CDH13: variants seen among roughly 807,000 people sequenced by gnomAD.
The protein encoded by CDH13 is cadherin 13.
Under a neutral mutation model 63.8 loss-of-function variants are expected in CDH13, and 24 were observed. The observed-to-expected ratio is 0.38, with a 90% CI of 0.27 to 0.53. The LOEUF is 0.53. Among genes scored for constraint, CDH13 ranks in the 20% least tolerant of loss-of-function variants. CDH13 has a pLI of 0.85. For synonymous variants in CDH13, 503 were observed against 355.3 expected (o/e 1.42, Z -4.67); for missense variants, 1,049 against 903.1 (o/e 1.16, Z -2.07).
intron 8 of CDH13, among the ~76,000 whole-genome samples, chr16:83,628,221 C>G (rs1411744648): frequency 6.6e-6 from 1 of 152,184 alleles, no homozygotes; most frequent in Non-Finnish European, 1.5e-5. Context: ...AGCCCCTGTT[C>G]AAGATGGTGT....
intron 7 of CDH13, among the ~76,000 whole-genome samples, chr16:83,514,363 G>C (rs770429811): frequency 3.2e-4 from 49 of 152,170 alleles, no homozygotes; most frequent in Non-Finnish European, 1.2e-4. Flanking sequence ...GAAGAGGAGG[G>C]CCGGGTTCGG....
chr16:83,513,116 G>A (rs896505171), intron 7 of CDH13, among the ~76,000 whole-genome samples: 18 of 152,002 alleles, frequency 1.2e-4, no homozygotes, highest in African/African-American at 3.4e-4. Context: ...AATTGTCTTC[G>A]AGCCTATAAT....
intron 6 of CDH13, among the ~76,000 whole-genome samples, chr16:83,486,075 G>A (rs542699596): frequency 6.6e-5 from 10 of 151,998 alleles, no homozygotes; most frequent in South Asian, 2.1e-4. Context: ...CCTGGGAGGC[G>A]GAGGTTGCAG....
In CDH13 at chr16:82,890,468, G is replaced by A. The variant is rs541250641; in HGVS notation, c.157+31995G>A. Among the ~76,000 whole-genome samples, 160 of 152,122 alleles carry A rather than the reference G, an allele frequency of 1.1e-3. 1 individual carries two copies. Among genetic ancestry groups the A allele is most frequent in the African/African-American group, 3.7e-3 (154 of 41,510 alleles). On this transcript the variant is annotated intron_variant, in intron 2 of 13. Transcript: ENST00000567109. ...GCTAGAGTCGGAATAAATAATTGAG[G>A]CAGGCTTCTCCAGAATCTCATTGGT...
intron 7 of CDH13, among the ~76,000 whole-genome samples, chr16:83,507,047 A>C (rs1208503201): frequency 6.6e-6 from 1 of 152,206 alleles, no homozygotes; most frequent in Non-Finnish European, 1.5e-5. Context: ...GCATTAGATA[A>C]CTAATACACA....
intron 7 of CDH13, among the ~76,000 whole-genome samples, chr16:83,573,772 G>A (rs1904859237): frequency 6.6e-6 from 1 of 152,136 alleles, no homozygotes; most frequent in Non-Finnish European, 1.5e-5. Context: ...AAAAGGCCAG[G>A]CTTGCTTAAC....
At chr16:83,119,644 T>C (rs1402310711) in intron 3 of CDH13, among the ~76,000 whole-genome samples, 1 of 152,236 alleles carries the variant, frequency 6.6e-6, no homozygotes, top group Non-Finnish European at 1.5e-5. Context: ...TCTGAGTTTC[T>C]GGCCACGGAT....
intron 1 of CDH13, among the ~76,000 whole-genome samples, chr16:82,776,233 G>C (rs555192731): frequency 1.6e-3 from 233 of 145,410 alleles, no homozygotes; most frequent in Non-Finnish European, 3.0e-3. Context: ...GATGAAGGAA[G>C]GAAGGAAGGG....
chr16:83,214,723 C>T (rs1006960069), intron 4 of CDH13, among the ~76,000 whole-genome samples: 1 of 151,804 alleles, frequency 6.6e-6, no homozygotes, highest in Non-Finnish European at 1.5e-5. Context: ...TGAGCTCCTT[C>T]TGTGTGGCAG....
At chr16:83,588,402 C>T (rs183650466) in intron 7 of CDH13, among the ~76,000 whole-genome samples, 1 of 152,192 alleles carries the variant, frequency 6.6e-6, no homozygotes, top group African/African-American at 2.4e-5. Context: ...TGAACATTTA[C>T]TGAGAGTGAC....
intron 4 of CDH13, among the ~76,000 whole-genome samples, chr16:83,153,417 C>T (rs895619867): frequency 2.0e-5 from 3 of 152,132 alleles, no homozygotes; most frequent in Non-Finnish European, 4.4e-5. Context: ...ATCTTACAGC[C>T]TCCAGCTGCA....
chr16:83,322,835 A>G (rs1478777485), intron 5 of CDH13, among the ~76,000 whole-genome samples: 4 of 152,194 alleles, frequency 2.6e-5, no homozygotes, highest in Non-Finnish European at 5.9e-5. Flanking sequence ...GGTGTTCACA[A>G]CAATGATTCC....
chr16:82,740,789 A>G (rs75222228), intron 1 of CDH13, among the ~76,000 whole-genome samples: 2 of 152,224 alleles, frequency 1.3e-5, no homozygotes, highest in Non-Finnish European at 2.9e-5. Context: ...TGGGCAAAGC[A>G]AGTCCAATAT....
chr16:83,573,321 C>G (rs901404594), intron 7 of CDH13, among the ~76,000 whole-genome samples: 1 of 152,068 alleles, frequency 6.6e-6, no homozygotes, highest in African/African-American at 2.4e-5. Context: ...GTGGGTGTGG[C>G]TCAGTTCTGC....
chr16:83,297,651 G>T (rs2151872199), intron 5 of CDH13, among the ~76,000 whole-genome samples: 1 of 152,210 alleles, frequency 6.6e-6, no homozygotes, highest in African/African-American at 2.4e-5. Context: ...TTGATATATG[G>T]AAACTGACAA....
At chr16:83,401,338 C>CA (rs550232099) in intron 6 of CDH13, among the ~76,000 whole-genome samples, 3,928 of 114,992 alleles carry the variant, frequency 0.034, 108 homozygotes, top group African/African-American at 0.081. Context: ...GACTCCATCT[C>CA]AAAAAAAAAA....
At chr16:82,883,078 A>C (rs1597893072) in intron 2 of CDH13, among the ~76,000 whole-genome samples, 1 of 152,180 alleles carries the variant, frequency 6.6e-6, no homozygotes, top group Non-Finnish European at 1.5e-5. Context: ...AGGATTTTAT[A>C]GAATGCCATC....
At chr16:83,760,058 T>G (rs1296388553) in intron 11 of CDH13, among the ~76,000 whole-genome samples, 1 of 151,728 alleles carries the variant, frequency 6.6e-6, no homozygotes, top group African/African-American at 2.4e-5. Flanking sequence ...TCCTAACAAA[T>G]GTATGAAAAG....
intron 4 of CDH13, among the ~76,000 whole-genome samples, chr16:83,204,274 A>T (rs1049098900): frequency 2.6e-5 from 4 of 152,218 alleles, no homozygotes; most frequent in African/African-American, 9.6e-5. Context: ...CCAATCCAAA[A>T]TCTTTATCTA....
Sources: gnomAD v4.1 joint callset for allele counts (sites outside exome capture counted in the v4.1 genomes callset) on GRCh38, gnomAD v4.1.1 for gene constraint, MANE v1.5 for transcripts, NCBI Gene and HGNC (gene_info 2026-07-23, HGNC 2026-07-21) for gene names.